The following PXDN variants were observed in gnomAD, a reference collection of about 807,000 sequenced individuals.
The protein encoded by PXDN is peroxidasin.
In PXDN, 77 loss-of-function variants were observed where a neutral mutation model predicts 140.3. The ratio of observed to expected loss-of-function variants is 0.55; its 90% CI spans 0.46 to 0.66. The LOEUF is 0.66. Among genes scored for constraint, PXDN ranks in the 30% least tolerant of loss-of-function variants. The pLI, the probability that PXDN is intolerant of heterozygous loss-of-function variation, is 0.00. For synonymous variants in PXDN, 911 were observed against 857.4 expected (o/e 1.06, Z -1.09); for missense variants, 1,838 against 2,039.5 (o/e 0.90, Z 1.90).
chr2:1,698,595 CTG>C (rs1388425518), intron 1 of PXDN, among the ~76,000 whole-genome samples: 1 of 151,826 alleles, frequency 6.6e-6, no homozygotes, highest in Non-Finnish European at 1.5e-5. Flanking sequence ...GTCAGTCAGT[CTG>C]TAAGTGGCAG....
At chr2:1,634,878 C>T (rs540988982) in intron 22 of PXDN, among the ~76,000 whole-genome samples, 2 of 152,228 alleles carry the variant, frequency 1.3e-5, no homozygotes, top group South Asian at 2.1e-4. Flanking sequence ...AAGCTTTCCA[C>T]GGAGCCTGGT....
intron 1 of PXDN, among the ~76,000 whole-genome samples, chr2:1,726,439 GA>G (rs1685186215): frequency 1.5e-5 from 2 of 130,466 alleles, no homozygotes; most frequent in African/African-American, 3.0e-5. Flanking sequence ...GGGGTCGGGG[GA>G]GGGGGGGAGG....
chr2:1,658,923 C>T (rs955625077), intron 14 of PXDN, among the ~76,000 whole-genome samples: 6 of 152,266 alleles, frequency 3.9e-5, no homozygotes, highest in Admixed American at 3.3e-4. Flanking sequence ...CCTTGCCCTG[C>T]GGTTCCTCAC....
intron 1 of PXDN, among the ~76,000 whole-genome samples, chr2:1,737,230 C>G (rs1262433385): frequency 6.6e-6 from 1 of 152,182 alleles, no homozygotes; most frequent in African/African-American, 2.4e-5. Flanking sequence ...TTCTTCACCT[C>G]GGGCCTCCGG....
intron 1 of PXDN, among the ~76,000 whole-genome samples, chr2:1,710,075 T>A (rs1684715885): frequency 6.6e-6 from 1 of 152,144 alleles, no homozygotes; most frequent in Non-Finnish European, 1.5e-5. Context: ...GAGGAGAACA[T>A]CTGGGTTCCT....
chr2:1,723,296 C>T (rs1685096520), intron 1 of PXDN, among the ~76,000 whole-genome samples: 1 of 151,382 alleles, frequency 6.6e-6, no homozygotes, highest in Non-Finnish European at 1.5e-5. Flanking sequence ...TGAATGAATG[C>T]ATTAATGGAT....
At chr2:1,716,483 C>T (rs1437716905) in intron 1 of PXDN, among the ~76,000 whole-genome samples, 2 of 138,216 alleles carry the variant, frequency 1.4e-5, no homozygotes, top group Non-Finnish European at 3.1e-5. Flanking sequence ...AGGGTGGCAA[C>T]ATCGCCTGCC....
rs1683071601 is a variant in PXDN at position 1,653,927 on chromosome 2, GA to G, written c.1947-143del. The stretch of plus-strand genomic sequence containing the variant: ...ATAATGTACTATACCTTCCTCATCC[GA>G]AGTGGGAGGCAACAAAACAAAAACA... On this transcript the variant is annotated intron_variant, in intron 15 of 22. Transcript: ENST00000252804. 6 of 1,006,068 alleles carry G rather than the reference GA, an allele frequency of 6.0e-6. No individual in the cohort carries two copies. In the South Asian group the frequency reaches 1.1e-4, roughly 18 times the overall value. The allele number at this position is 1,006,068 out of a possible 1,614,324, so 62.3% of individuals were successfully genotyped here.
intron 1 of PXDN, among the ~76,000 whole-genome samples, chr2:1,723,470 G>A (rs1164714157): frequency 6.6e-6 from 1 of 152,064 alleles, no homozygotes; most frequent in Non-Finnish European, 1.5e-5. Context: ...ACAGATGGAT[G>A]AACTAATAAA....
rs1333696003 is a variant in PXDN at position 1,744,357 on chromosome 2, G to T, written c.99C>A (p.Gly33=). 2 of 1,527,058 alleles carry T rather than the reference G, an allele frequency of 1.3e-6. No individual in the cohort carries two copies. Among genetic ancestry groups the T allele is most frequent in the Non-Finnish European group, 1.7e-6 (2 of 1,143,560 alleles). The allele number at this position is 1,527,058 out of a possible 1,614,324, so 94.6% of individuals were successfully genotyped here. Residue 33 remains glycine (G), a synonymous_variant, in exon 1 of 23, where the codon GGC becomes GGA. Coordinates refer to ENST00000252804, the MANE Select transcript of PXDN (RefSeq NM_012293.3). ...ACAGGCAGCGGCTCGGACACCCTGC[G>T]CCCGGCTTCTGGGCCACCACGGCCA... ...GTLAVVAQKP[G]AGCPSRCLCF...
chr2:1,650,816 A>T (rs1441508832), intron 16 of PXDN, among the ~76,000 whole-genome samples: 1 of 152,146 alleles, frequency 6.6e-6, no homozygotes, highest in East Asian at 1.9e-4. Flanking sequence ...CCAAGCCATC[A>T]CTGCTTCTTT....
chr2:1,633,487 G>C lies in PXDN; in HGVS notation c.*717C>G, dbSNP rs991305093. The C allele has an allele frequency of 4.6e-5, 7 of 152,024 alleles. No homozygotes were observed. The highest frequency in any genetic ancestry group is 1.3e-4 in the Admixed American group (2 of 15,240). The allele number at this position is 152,024 out of a possible 1,614,324, so 9.4% of individuals were successfully genotyped here. A position where few individuals can be genotyped will look rare whatever the true frequency, so the allele number is the denominator to read the frequency against. Reference sequence around the variant, plus strand: ...TCAGGTGTGGAAGGAGCTGACACACGGAGAGTCACAGGCTATACAGCTGCT... The same window carrying C: ...TCAGGTGTGGAAGGAGCTGACACACCGAGAGTCACAGGCTATACAGCTGCT... On this transcript the variant is annotated 3_prime_UTR_variant, in exon 23 of 23. Transcript: ENST00000252804.
chr2:1,711,815 A>G (rs1412447514), intron 1 of PXDN, among the ~76,000 whole-genome samples: 1 of 152,134 alleles, frequency 6.6e-6, no homozygotes, highest in African/African-American at 2.4e-5. Flanking sequence ...CCACGAACCA[A>G]ATCCTCACTC....
At chr2:1,635,306 G>A (rs2125399983) in intron 22 of PXDN, 102 bp downstream of exon 22, 1 of 962,016 alleles carries the variant, frequency 1.0e-6, no homozygotes, top group East Asian at 2.6e-5. Context: ...TAGGCGGGGA[G>A]GGGCCTGGCC....
At chr2:1,701,469 G>A (rs1189941742) in intron 1 of PXDN, among the ~76,000 whole-genome samples, 2 of 152,182 alleles carry the variant, frequency 1.3e-5, no homozygotes, top group Admixed American at 1.3e-4. Flanking sequence ...AGGAGAAATG[G>A]GTGCCCAGAG....
intron 18 of PXDN, among the ~76,000 whole-genome samples, chr2:1,644,117 T>TTCTG (rs1227133002): frequency 6.8e-6 from 1 of 147,800 alleles, no homozygotes; most frequent in Non-Finnish European, 1.5e-5. Flanking sequence ...GTGTTAGCTC[T>TTCTG]TCTGACTAGC....
chr2:1,738,565 T>G (rs1572206688), intron 1 of PXDN, among the ~76,000 whole-genome samples: 1 of 151,948 alleles, frequency 6.6e-6, no homozygotes, highest in Non-Finnish European at 1.5e-5. Context: ...TTTTTTTTTT[T>G]TGAGACTAGG....
rs550136954 is a variant in PXDN, at chr2:1,708,776, C to T, written c.201-15642G>A. 1.8e-4 allele frequency among the ~76,000 whole-genome samples: 28 copies of T among 152,290 alleles called. 1 individual carries two copies. Among genetic ancestry groups the T allele is most frequent in the Admixed American group, 1.4e-3 (22 of 15,310 alleles). On this transcript the variant is annotated intron_variant, in intron 1 of 22. Coordinates refer to ENST00000252804, the MANE Select transcript of PXDN (RefSeq NM_012293.3). Reference sequence around the variant, plus strand: ...GAAACGGGGACATCTTTTATGGTATCGATTTGGATCACCTCACTTCCTGTA... The same window carrying T: ...GAAACGGGGACATCTTTTATGGTATTGATTTGGATCACCTCACTTCCTGTA...
intron 9 of PXDN, among the ~76,000 whole-genome samples, chr2:1,671,792 G>T (rs1190621614): frequency 6.6e-6 from 1 of 152,168 alleles, no homozygotes; most frequent in Non-Finnish European, 1.5e-5. Context: ...TAAAGGGCCA[G>T]ATTGGTCCTG....
Sources: gnomAD v4.1 joint callset for allele counts (sites outside exome capture counted in the v4.1 genomes callset) on GRCh38, gnomAD v4.1.1 for gene constraint, MANE v1.5 for transcripts, NCBI Gene and HGNC (gene_info 2026-07-23, HGNC 2026-07-21) for gene names.